The following DIAPH3 variants were observed in gnomAD, a reference collection of about 807,000 sequenced individuals.
DIAPH3 encodes the protein diaphanous related formin 3.
DIAPH3 carries 117 observed loss-of-function variants against 144.3 expected under a neutral mutation model. The ratio of observed to expected loss-of-function variants is 0.81; its 90% confidence interval spans 0.70 to 0.95. DIAPH3 has a LOEUF of 0.95. Ranked by LOEUF, DIAPH3 falls within the 40% of genes least tolerant of loss-of-function variation. The pLI, the probability that DIAPH3 is intolerant of heterozygous loss-of-function variation, is 0.00. For synonymous variants in DIAPH3, 519 were observed against 488.9 expected (o/e 1.06, Z -0.81); for missense variants, 1,421 against 1,412.7 (o/e 1.01, Z -0.09).
At chr13:59,834,467 C>G (rs2041940102) in intron 23 of DIAPH3, among the ~76,000 whole-genome samples, 1 of 150,898 alleles carries the variant, frequency 6.6e-6, no homozygotes, top group Non-Finnish European at 1.5e-5. Context: ...TTTTGGCCCA[C>G]AATTTCAAAA....
chr13:59,902,605 C>T (rs944383622), intron 20 of DIAPH3, among the ~76,000 whole-genome samples: 8 of 152,080 alleles, frequency 5.3e-5, no homozygotes, highest in Middle Eastern at 3.2e-3. Context: ...GAAACCCCAT[C>T]TCTACTAAAA....
chr13:60,070,847 CAT>C (rs748647869), intron 4 of DIAPH3, among the ~76,000 whole-genome samples: 5 of 152,252 alleles, frequency 3.3e-5, no homozygotes, highest in Admixed American at 2.0e-4. Flanking sequence ...TAAGTCTCCA[CAT>C]GTTTATACAA....
intron 12 of DIAPH3, among the ~76,000 whole-genome samples, chr13:59,984,244 A>G (rs1276478939): frequency 6.6e-6 from 1 of 151,698 alleles, no homozygotes; most frequent in East Asian, 1.9e-4. Flanking sequence ...AATAGCTATC[A>G]TTAATTCACT....
intron 22 of DIAPH3, among the ~76,000 whole-genome samples, chr13:59,856,606 C>T (rs527946976): frequency 6.6e-6 from 1 of 152,284 alleles, no homozygotes; most frequent in Admixed American, 6.5e-5. Flanking sequence ...TATAAGGACA[C>T]AGGTCAGATT....
intron 22 of DIAPH3, among the ~76,000 whole-genome samples, chr13:59,854,232 C>T (rs991345454): frequency 6.6e-6 from 1 of 152,120 alleles, no homozygotes; most frequent in African/African-American, 2.4e-5. Context: ...ATGGATGCTT[C>T]CTCCCCTGGA....
chr13:60,132,897 C>T, intron 2 of DIAPH3, 60 bp downstream of exon 2: 6 of 1,396,692 alleles, frequency 4.3e-6, no homozygotes, highest in South Asian at 3.5e-5. Context: ...CAGAGCACAC[C>T]ATCAACGTTA....
chr13:59,817,117 A>G (rs1475669832), intron 24 of DIAPH3, among the ~76,000 whole-genome samples: 1 of 151,906 alleles, frequency 6.6e-6, no homozygotes, highest in Non-Finnish European at 1.5e-5. Flanking sequence ...TTGAGATTTC[A>G]TGGTCTCTAG....
At chr13:59,767,201 T>C (rs2037902892) in intron 27 of DIAPH3, among the ~76,000 whole-genome samples, 1 of 152,182 alleles carries the variant, frequency 6.6e-6, no homozygotes, top group Non-Finnish European at 1.5e-5. Flanking sequence ...CACCACCTCG[T>C]TGGATTGTAA....
In DIAPH3 at chr13:59,680,412, T is replaced by G. The variant is rs188873513; in HGVS notation, c.3320-13566A>C. Among the ~76,000 whole-genome samples the G allele has an allele frequency of 2.9e-3, 434 of 152,272 alleles. 3 individuals are homozygous for G. Among genetic ancestry groups the G allele is most frequent in the African/African-American group, 0.01 (419 of 41,562 alleles). ...GAATCTGCTGACACATTGCAAGCAT[T>G]TAAACTCATAGATTAACGAAGTTGG... On this transcript the variant is annotated intron_variant, in intron 27 of 27. Transcript: ENST00000400324.
At chr13:59,892,150 A>G (rs1396115793) in intron 20 of DIAPH3, among the ~76,000 whole-genome samples, 1 of 151,934 alleles carries the variant, frequency 6.6e-6, no homozygotes, top group African/African-American at 2.4e-5. Flanking sequence ...ACAAAAATAA[A>G]CGCTATAAAT....
At chr13:59,883,616 G>A (rs1350569927) in intron 20 of DIAPH3, among the ~76,000 whole-genome samples, 3 of 152,130 alleles carry the variant, frequency 2.0e-5, no homozygotes, top group African/African-American at 7.2e-5. Context: ...AGAAATAACA[G>A]AAAAGCATTT....
intron 17 of DIAPH3, among the ~76,000 whole-genome samples, chr13:59,928,705 G>C (rs1207894827): frequency 6.6e-6 from 1 of 152,118 alleles, no homozygotes; most frequent in Non-Finnish European, 1.5e-5. Context: ...GGAGGCTTTG[G>C]TATGACTTTC....
intron 17 of DIAPH3, 48 bp from the exon 18 acceptor site, chr13:59,924,918 T>C (rs2047684278): frequency 1.9e-6 from 3 of 1,568,066 alleles, no homozygotes; most frequent in East Asian, 2.3e-5. Flanking sequence ...TTCATTCAAA[T>C]ACAAAAGTGG....
rs1467711299 is a variant in DIAPH3, at chr13:59,916,143, C to T, written c.2265+12G>A. On this transcript the variant is annotated intron_variant, in intron 19 of 27. Transcript: ENST00000400324. ...TGAAATATTGAAATTTAAGCTGTGC[C>T]TGTTTGTTTACCTGAATCATAGACT... 6.2e-7 allele frequency: 1 copy of T among 1,604,842 alleles called. No homozygotes were observed. The highest frequency in any genetic ancestry group is 8.5e-7 in the Non-Finnish European group (1 of 1,171,960).
intron 27 of DIAPH3, among the ~76,000 whole-genome samples, chr13:59,704,417 G>A (rs542704018): frequency 6.6e-6 from 1 of 152,124 alleles, no homozygotes; most frequent in Non-Finnish European, 1.5e-5. Flanking sequence ...TGTTTCCTCT[G>A]GTATTCTAGT....
At chr13:59,717,003 G>T (rs994700789) in intron 27 of DIAPH3, among the ~76,000 whole-genome samples, 3 of 151,900 alleles carry the variant, frequency 2.0e-5, no homozygotes, top group African/African-American at 7.3e-5. Context: ...AAAATTTCAT[G>T]TACTGTGTTA....
At chr13:59,966,870 A>G (rs184156858) in intron 17 of DIAPH3, among the ~76,000 whole-genome samples, 4 of 152,256 alleles carry the variant, frequency 2.6e-5, no homozygotes, top group Middle Eastern at 3.4e-3. Flanking sequence ...CCATTTCTCT[A>G]AAAAACCCAC....
At chr13:59,824,796 T>C (rs969053794) in intron 24 of DIAPH3, among the ~76,000 whole-genome samples, 2 of 152,152 alleles carry the variant, frequency 1.3e-5, no homozygotes, top group African/African-American at 4.8e-5. Flanking sequence ...TTTGTTGCCC[T>C]CTAAATCTTA....
At chr13:60,139,089 T>A (rs1310801494) in intron 1 of DIAPH3, among the ~76,000 whole-genome samples, 1 of 152,228 alleles carries the variant, frequency 6.6e-6, no homozygotes, top group African/African-American at 2.4e-5. Context: ...CTACCAGCCA[T>A]GACTCTCGAC....
Sources: gnomAD v4.1 joint callset for allele counts (sites outside exome capture counted in the v4.1 genomes callset) on GRCh38, gnomAD v4.1.1 for gene constraint, MANE v1.5 for transcripts, NCBI Gene and HGNC (gene_info 2026-07-23, HGNC 2026-07-21) for gene names.